The following DCC variants were observed in gnomAD, a reference collection of about 807,000 sequenced individuals.
The protein encoded by DCC is DCC netrin 1 receptor.
In DCC, 58 loss-of-function variants were observed where a neutral mutation model predicts 172.5. The observed-to-expected ratio is 0.34, with a 90% confidence interval of 0.27 to 0.42. The LOEUF is 0.42. Ranked by LOEUF, DCC falls within the 10% of genes least tolerant of loss-of-function variation. The probability of loss-of-function intolerance (pLI) is 1.00; values close to 1 mark genes in which losing one functional copy is unlikely to be tolerated. For missense variants in DCC, 1,740 were observed against 1,791.0 expected (o/e 0.97, Z 0.51); for synonymous variants, 709 against 644.5 (o/e 1.10, Z -1.52).
At chr18:53,513,962 C>T (rs1355709204) in intron 27 of DCC, among the ~76,000 whole-genome samples, 1 of 150,972 alleles carries the variant, frequency 6.6e-6, no homozygotes, top group Non-Finnish European at 1.5e-5. Flanking sequence ...ACCAAGCAGA[C>T]CTAATACACA....
chr18:52,825,907 T>C lies in DCC; in HGVS notation c.412+73533T>C, dbSNP rs188170623. On this transcript the variant is annotated intron_variant, in intron 2 of 28. Coordinates refer to ENST00000442544, the MANE Select transcript of DCC (RefSeq NM_005215.4). ...ATACTGAATAAACTGTGATGACTTA[T>C]AGTTTAGAAGGTTTTCTCCTGAGGG... Among the ~76,000 whole-genome samples the C allele has an allele frequency of 3.9e-4, 59 of 152,144 alleles. 1 individual carries two copies. The highest frequency in any genetic ancestry group is 1.4e-3 in the African/African-American group (56 of 41,390).
rs542593043 is a variant in DCC at position 52,540,773 on chromosome 18, A to G, written c.91+199895A>G. Reference sequence around the variant, plus strand: ...AGGCGCCCGCCACCACGCCCAGCTAATTTTTTGTATTTTTAGTAGAGACGG... The same window carrying G: ...AGGCGCCCGCCACCACGCCCAGCTAGTTTTTTGTATTTTTAGTAGAGACGG... On this transcript the variant is annotated intron_variant, in intron 1 of 28. Coordinates refer to ENST00000442544, the MANE Select transcript of DCC (RefSeq NM_005215.4). Among the ~76,000 whole-genome samples, 150 of 151,538 alleles carry G rather than the reference A, an allele frequency of 9.9e-4. 1 individual carries two copies. The highest frequency in any genetic ancestry group is 3.5e-3 in the African/African-American group (143 of 41,330).
chr18:52,653,827 C>T (rs2144930047), intron 1 of DCC, among the ~76,000 whole-genome samples: 1 of 152,268 alleles, frequency 6.6e-6, no homozygotes, highest in Admixed American at 6.5e-5. Flanking sequence ...TTCTAAGTAG[C>T]TTTGCTTCAC....
At chr18:52,760,723 T>C (rs1483419754) in intron 2 of DCC, among the ~76,000 whole-genome samples, 5 of 152,204 alleles carry the variant, frequency 3.3e-5, no homozygotes, top group African/African-American at 1.2e-4. Context: ...ACTCAATAAC[T>C]GTATACAAAC....
chr18:53,488,394 A>T (rs138349994), intron 26 of DCC, among the ~76,000 whole-genome samples: 1,668 of 152,256 alleles, frequency 0.011, 21 homozygotes, highest in Non-Finnish European at 0.018. Context: ...AAAAAAAAAG[A>T]ATGTGTAGAA....
At chr18:52,522,438 G>A (rs2031849530) in intron 1 of DCC, among the ~76,000 whole-genome samples, 2 of 152,158 alleles carry the variant, frequency 1.3e-5, no homozygotes, top group African/African-American at 2.4e-5. Context: ...CCCTGATCCA[G>A]AACTAACAAC....
chr18:52,897,944 C>A (rs1674150711), intron 2 of DCC, among the ~76,000 whole-genome samples: 1 of 152,214 alleles, frequency 6.6e-6, no homozygotes, highest in Non-Finnish European at 1.5e-5. Flanking sequence ...CCCTGCATAT[C>A]TTTTATTGGC....
intron 1 of DCC, among the ~76,000 whole-genome samples, chr18:52,739,506 G>C (rs983248189): frequency 3.9e-5 from 6 of 152,112 alleles, no homozygotes; most frequent in Non-Finnish European, 7.3e-5. Context: ...TCTGCAACAG[G>C]AAGATCAGAG....
In DCC at chr18:52,701,321, T is replaced by G. The variant is rs186070909; in HGVS notation, c.92-50733T>G. 2.4e-3 allele frequency among the ~76,000 whole-genome samples: 370 copies of G among 152,304 alleles called. 3 individuals carry two copies. The highest frequency in any genetic ancestry group is 8.4e-3 in the African/African-American group (350 of 41,562). ...TAGCAATAACTTCTTGGAACATGTT[T>G]GTGTTATCATTAACTGATCTAAAAG... On this transcript the variant is annotated intron_variant, in intron 1 of 28. Coordinates refer to ENST00000442544, the MANE Select transcript of DCC (RefSeq NM_005215.4).
At chr18:53,293,722 G>A (rs544082862) in intron 12 of DCC, among the ~76,000 whole-genome samples, 315 of 152,242 alleles carry the variant, frequency 2.1e-3, no homozygotes, top group African/African-American at 7.3e-3. Context: ...CCAGTTTGGG[G>A]CTACAGTTGA....
At chr18:52,508,617 T>C (rs2031321127) in intron 1 of DCC, among the ~76,000 whole-genome samples, 1 of 152,222 alleles carries the variant, frequency 6.6e-6, no homozygotes, top group Non-Finnish European at 1.5e-5. Flanking sequence ...TGGGGATTTA[T>C]ATTCAGGAAG....
At chr18:52,834,092 G>A (rs116976127) in intron 2 of DCC, among the ~76,000 whole-genome samples, 1 of 152,128 alleles carries the variant, frequency 6.6e-6, no homozygotes, top group Non-Finnish European at 1.5e-5. Context: ...TGTGGAGGAG[G>A]GCAGAGCTTC....
chr18:53,035,382 G>C (rs2042079523), intron 5 of DCC, among the ~76,000 whole-genome samples: 1 of 152,052 alleles, frequency 6.6e-6, no homozygotes, highest in African/African-American at 2.4e-5. Context: ...AGTGCTGAAA[G>C]CAAAGTTTTA....
Position 52,705,337 on chromosome 18 carries a change from T to C in DCC, c.92-46717T>C, listed in dbSNP as rs181392411. ...GGGAAAATGGAGAAAGGAGGCTGGATGGCTACAGGAGTCTTAGAAATGTGG... is the reference window on the plus strand; with the variant it reads ...GGGAAAATGGAGAAAGGAGGCTGGACGGCTACAGGAGTCTTAGAAATGTGG... On this transcript the variant is annotated intron_variant, in intron 1 of 28. Coordinates refer to ENST00000442544, the MANE Select transcript of DCC (RefSeq NM_005215.4). Among the ~76,000 whole-genome samples the C allele has an allele frequency of 2.3e-4, 35 of 152,278 alleles. No homozygotes were observed. The East Asian group carries it at 5.4e-3, about 24-fold the overall frequency.
At chr18:53,246,791 C>T (rs1036539823) in intron 12 of DCC, among the ~76,000 whole-genome samples, 1 of 151,936 alleles carries the variant, frequency 6.6e-6, no homozygotes, top group Non-Finnish European at 1.5e-5. Context: ...AGTAGAATAG[C>T]CGAATTAGTT....
At chr18:53,184,509 C>A (rs935097958) in intron 9 of DCC, among the ~76,000 whole-genome samples, 1 of 152,056 alleles carries the variant, frequency 6.6e-6, no homozygotes, top group African/African-American at 2.4e-5. Flanking sequence ...CTACTATACA[C>A]CTAGGCTATA....
At chr18:52,669,870 C>CA (rs57709396) in intron 1 of DCC, among the ~76,000 whole-genome samples, 18,154 of 151,534 alleles carry the variant, frequency 0.12, 1,143 homozygotes, top group Non-Finnish European at 0.14. Flanking sequence ...CAAAACAAAA[C>CA]AAAAAACACA....
chr18:53,161,719 C>A (rs755580960), intron 8 of DCC, among the ~76,000 whole-genome samples: 1 of 152,108 alleles, frequency 6.6e-6, no homozygotes, highest in African/African-American at 2.4e-5. Flanking sequence ...CTTTTGAAAT[C>A]TTCATATTTC....
intron 9 of DCC, among the ~76,000 whole-genome samples, chr18:53,180,721 T>A (rs1282301813): frequency 1.3e-5 from 2 of 152,202 alleles, no homozygotes; most frequent in Non-Finnish European, 2.9e-5. Context: ...TGGAGTGCAG[T>A]GGCACAATCG....
Sources: allele counts gnomAD v4.1 joint callset (sites outside exome capture counted in the v4.1 genomes callset), GRCh38; gene constraint gnomAD v4.1.1; transcripts MANE v1.5; gene names NCBI Gene and HGNC (gene_info 2026-07-23, HGNC 2026-07-21).